ATXN1: variants seen among roughly 807,000 people sequenced by gnomAD.
ATXN1 encodes ataxin 1.
ATXN1 carries 8 observed loss-of-function variants against 56.4 expected under a neutral mutation model. That is an observed-to-expected ratio of 0.14 (90% CI 0.08 to 0.26). The LOEUF (loss-of-function observed/expected upper bound fraction) is 0.26. ATXN1 is among the 10% of genes least tolerant of loss of function. ATXN1 has a pLI of 1.00. For synonymous variants in ATXN1, 514 were observed against 494.6 expected (o/e 1.04, Z -0.52); for missense variants, 987 against 1,106.5 (o/e 0.89, Z 1.53).
At chr6:16,519,477 T>C (rs1761246148) in intron 5 of ATXN1, among the ~76,000 whole-genome samples, 1 of 152,152 alleles carries the variant, frequency 6.6e-6, no homozygotes, top group African/African-American at 2.4e-5. Flanking sequence ...AGATGAGAAA[T>C]GGGTATTGCA....
chr6:16,574,596 C>T (rs545354431), intron 4 of ATXN1, among the ~76,000 whole-genome samples: 100 of 152,302 alleles, frequency 6.6e-4, no homozygotes, highest in African/African-American at 2.3e-3. Flanking sequence ...CTGCCCACCT[C>T]GGCCTACCTA....
intron 1 of ATXN1, among the ~76,000 whole-genome samples, chr6:16,753,821 A>G (rs535372073): frequency 6.6e-6 from 1 of 152,362 alleles, no homozygotes; most frequent in Non-Finnish European, 1.5e-5. Flanking sequence ...TACCAGTCCA[A>G]TGGAATAGAA....
intron 5 of ATXN1, among the ~76,000 whole-genome samples, chr6:16,511,722 G>A (rs537962239): frequency 6.6e-6 from 1 of 152,282 alleles, no homozygotes; most frequent in South Asian, 2.1e-4. Context: ...AACTTCTCCA[G>A]CCTGCTTGCT....
At chr6:16,382,753 T>C (rs186959535) in intron 6 of ATXN1, among the ~76,000 whole-genome samples, 1 of 152,164 alleles carries the variant, frequency 6.6e-6, no homozygotes, top group East Asian at 1.9e-4. Flanking sequence ...TTGGCTTCCC[T>C]GGGCCACACT....
intron 6 of ATXN1, among the ~76,000 whole-genome samples, chr6:16,414,045 C>T (rs1328605992): frequency 2.0e-5 from 3 of 152,146 alleles, no homozygotes; most frequent in East Asian, 1.9e-4. Flanking sequence ...GGATAAGAAG[C>T]GAACTTCTTT....
At chr6:16,690,235 T>C (rs1324051523) in intron 2 of ATXN1, among the ~76,000 whole-genome samples, 2 of 151,990 alleles carry the variant, frequency 1.3e-5, no homozygotes, top group Non-Finnish European at 2.9e-5. Flanking sequence ...TAAAATACTG[T>C]TTTTGCTCTG....
chr6:16,511,499 T>C (rs1761080778), intron 5 of ATXN1, among the ~76,000 whole-genome samples: 1 of 152,228 alleles, frequency 6.6e-6, no homozygotes, highest in African/African-American at 2.4e-5. Flanking sequence ...AGGATTGACA[T>C]ATGTTTCCTT....
At chr6:16,460,494 T>C (rs573788865) in intron 6 of ATXN1, among the ~76,000 whole-genome samples, 58 of 152,304 alleles carry the variant, frequency 3.8e-4, no homozygotes, top group Middle Eastern at 3.4e-3. Context: ...GTAAATGGCA[T>C]ACCAGGTGCC....
chr6:16,458,835 C>T (rs1581777424), intron 6 of ATXN1, among the ~76,000 whole-genome samples: 1 of 152,336 alleles, frequency 6.6e-6, no homozygotes, highest in East Asian at 1.9e-4. Flanking sequence ...TTCTCCGGGC[C>T]AGAAGCCCCC....
intron 6 of ATXN1, among the ~76,000 whole-genome samples, chr6:16,406,290 T>C (rs1406726638): frequency 6.6e-6 from 1 of 152,218 alleles, no homozygotes; most frequent in Admixed American, 6.5e-5. Flanking sequence ...CCAAGTTAAA[T>C]AATTTTTTCA....
chr6:16,485,210 T>C (rs1037167775), intron 6 of ATXN1: 2 of 152,170 alleles, frequency 1.3e-5, no homozygotes, highest in Admixed American at 1.3e-4. Flanking sequence ...AACTGTGTTT[T>C]GTGACACAGT....
At chr6:16,542,323 T>A (rs958131562) in intron 4 of ATXN1, among the ~76,000 whole-genome samples, 5 of 152,154 alleles carry the variant, frequency 3.3e-5, no homozygotes, top group African/African-American at 4.8e-5. Context: ...TTAATATAAA[T>A]CTAAATTGCG....
At chr6:16,639,276 G>A (rs72825574) in intron 3 of ATXN1, among the ~76,000 whole-genome samples, 4 of 152,112 alleles carry the variant, frequency 2.6e-5, no homozygotes, top group Non-Finnish European at 5.9e-5. Context: ...CGCTCTTTGG[G>A]TCCCTACCAT....
intron 6 of ATXN1, among the ~76,000 whole-genome samples, chr6:16,338,880 T>C (rs1199922062): frequency 6.6e-6 from 1 of 152,160 alleles, no homozygotes; most frequent in East Asian, 1.9e-4. Context: ...ATAATATTTA[T>C]AAGTGCCCAA....
rs72840232 is a variant in ATXN1, at chr6:16,304,228, G to A, written c.*2101C>T. 0.027 allele frequency: 4,146 copies of A among 152,528 alleles called. 103 individuals are homozygous for A. Among genetic ancestry groups the A allele is most frequent in the African/African-American group, 0.068 (2,840 of 41,500 alleles). The allele number at this position is 152,528 out of a possible 1,614,324, so 9.4% of individuals were successfully genotyped here. ...CTATTTTCAATGGGGTAAAAGAAAA[G>A]TCAGGTATTTGTTCAGTTTAGTTGC... On this transcript the variant is annotated 3_prime_UTR_variant, in exon 8 of 8. Coordinates refer to ENST00000436367, the MANE Select transcript of ATXN1 (RefSeq NM_001128164.2).
chr6:16,653,925 A>G (rs2113352275), intron 3 of ATXN1, among the ~76,000 whole-genome samples: 1 of 152,342 alleles, frequency 6.6e-6, no homozygotes, highest in African/African-American at 2.4e-5. Context: ...AGGAGGATGC[A>G]CAATTATTTT....
At chr6:16,465,834 C>G (rs1020246325) in intron 6 of ATXN1, among the ~76,000 whole-genome samples, 3 of 152,136 alleles carry the variant, frequency 2.0e-5, no homozygotes, top group Non-Finnish European at 4.4e-5. Flanking sequence ...CAAGAGGTGT[C>G]TCTGCTAAGT....
At chr6:16,634,808 G>A (rs1457492687) in intron 3 of ATXN1, among the ~76,000 whole-genome samples, 1 of 152,116 alleles carries the variant, frequency 6.6e-6, no homozygotes, top group Non-Finnish European at 1.5e-5. Flanking sequence ...TGTGTGAGGA[G>A]GATACATATT....
intron 5 of ATXN1, among the ~76,000 whole-genome samples, chr6:16,505,463 G>A (rs1346712873): frequency 1.3e-5 from 2 of 152,146 alleles, no homozygotes; most frequent in African/African-American, 2.4e-5. Context: ...GGGAAAGAAC[G>A]CATAAACGCA....
Sources: gnomAD v4.1 joint callset for allele counts (sites outside exome capture counted in the v4.1 genomes callset) on GRCh38, gnomAD v4.1.1 for gene constraint, MANE v1.5 for transcripts, NCBI Gene and HGNC (gene_info 2026-07-23, HGNC 2026-07-21) for gene names.